Variants in GATAD1 observed in about 807,000 individuals in gnomAD.
The protein encoded by GATAD1 is GATA zinc finger domain containing 1.
A neutral mutation model predicts 26.5 loss-of-function variants in GATAD1; 12 were observed. The ratio of observed to expected loss-of-function variants is 0.45; its 90% CI spans 0.29 to 0.73. GATAD1 has a LOEUF of 0.73. GATAD1 is among the 30% of genes least tolerant of loss of function. The probability of loss-of-function intolerance (pLI) is 0.10; values close to 1 mark genes in which losing one functional copy is unlikely to be tolerated. For missense variants in GATAD1, 266 were observed against 342.1 expected (o/e 0.78, Z 1.75); for synonymous variants, 129 against 133.1 (o/e 0.97, Z 0.21).
downstream of GATAD1, among the ~76,000 whole-genome samples, chr7:92,460,346 A>G (rs1789873985): frequency 1.3e-5 from 2 of 152,158 alleles, no homozygotes; most frequent in African/African-American, 4.8e-5. Flanking sequence ...ACTTCATACC[A>G]GGTGTGTGAG....
At chr7:92,493,082 C>T in the GATAD1 span, 1 of 1,612,774 alleles carries the variant, frequency 6.2e-7, no homozygotes, top group Non-Finnish European at 8.5e-7. Context: ...CATCATCTGC[C>T]AGAGGTAGAG....
At chr7:92,494,201 A>G in the GATAD1 span, 1 of 923,898 alleles carries the variant, frequency 1.1e-6, no homozygotes, top group Non-Finnish European at 1.8e-6. Context: ...CTGGTCTTCT[A>G]AGGACAATTG....
the GATAD1 span, among the ~76,000 whole-genome samples, chr7:92,474,207 C>T: frequency 6.6e-6 from 1 of 151,876 alleles, no homozygotes; most frequent in African/African-American, 2.4e-5. Context: ...TATAAAAAAC[C>T]GAGGTTGCCA....
chr7:92,477,425 G>A, the GATAD1 span: 5 of 152,304 alleles, frequency 3.3e-5, no homozygotes, highest in Non-Finnish European at 5.9e-5. Context: ...TTACCGGGGG[G>A]TCCTTGCTCA....
rs1034364484 is a variant in GATAD1 at position 92,456,776 on chromosome 7, TA to T, written c.*219del. On this transcript the variant is annotated 3_prime_UTR_variant, in exon 5 of 5. Transcript: ENST00000287957. ...TGAAATTCTTAGCTGGAAAAGTGAC[TA>T]AAAAGTTTTTCTCCTGCTACCTAGT... 56 of 454,860 alleles carry T rather than the reference TA, an allele frequency of 1.2e-4. No individual in the cohort carries two copies. The highest frequency in any genetic ancestry group is 9.2e-4 in the African/African-American group (46 of 49,842). The allele number at this position is 454,860 out of a possible 1,614,324, so 28.2% of individuals were successfully genotyped here. A position where few individuals can be genotyped will look rare whatever the true frequency, so the allele number is the denominator to read the frequency against.
the GATAD1 span, chr7:92,477,799 G>A: frequency 5.5e-6 from 1 of 181,414 alleles, no homozygotes; most frequent in South Asian, 1.5e-4. Flanking sequence ...CTGCGGTGGT[G>A]GCAAACAGCA....
intron 4 of GATAD1, among the ~76,000 whole-genome samples, chr7:92,455,117 G>GC (rs1190582504): frequency 6.6e-6 from 1 of 151,044 alleles, no homozygotes; most frequent in East Asian, 1.9e-4. Context: ...TGGCGGGGGG[G>GC]GATGCAATTC....
the GATAD1 span, among the ~76,000 whole-genome samples, chr7:92,495,638 T>C: frequency 6.6e-6 from 1 of 152,176 alleles, no homozygotes; most frequent in African/African-American, 2.4e-5. Context: ...ATTTCTGGGA[T>C]ATCTTTAGCG....
At chr7:92,485,081 A>T in the GATAD1 span, among the ~76,000 whole-genome samples, 1 of 152,126 alleles carries the variant, frequency 6.6e-6, no homozygotes, top group Non-Finnish European at 1.5e-5. Flanking sequence ...TTGAGCCAGG[A>T]GAAGGAATTT....
the GATAD1 span, chr7:92,491,196 A>C: frequency 1.0e-6 from 1 of 1,001,842 alleles, no homozygotes; most frequent in Non-Finnish European, 1.6e-6. Flanking sequence ...GCTGGTTAGG[A>C]GAGAAATCAC....
chr7:92,459,746 G>A lies in GATAD1; in HGVS notation c.*3184G>A, dbSNP rs1789848680. 1.3e-5 allele frequency among the ~76,000 whole-genome samples: 2 copies of A among 152,152 alleles called. No homozygotes were observed. The highest frequency in any genetic ancestry group is 4.8e-5 in the African/African-American group (2 of 41,430). On this transcript the variant is annotated 3_prime_UTR_variant, in exon 5 of 5. Coordinates refer to ENST00000287957, the MANE Select transcript of GATAD1 (RefSeq NM_021167.5). ...CTCACTCCTATCCCTTTGGTCCTGG[G>A]ATGACAGGGATGCTGTGTTTTATTT...
chr7:92,468,131 A>G, the GATAD1 span, among the ~76,000 whole-genome samples: 318 of 152,370 alleles, frequency 2.1e-3, 1 homozygote, highest in African/African-American at 7.4e-3. Flanking sequence ...GAAGAGAACC[A>G]TGGAACCCAG....
the GATAD1 span, chr7:92,487,246 A>G: frequency 3.0e-6 from 1 of 330,560 alleles, no homozygotes; most frequent in East Asian, 4.7e-5. Flanking sequence ...GAAATAAAAT[A>G]TGGAATCTGT....
downstream of GATAD1, among the ~76,000 whole-genome samples, chr7:92,463,484 T>A (rs536833975): frequency 1.3e-5 from 2 of 151,534 alleles, no homozygotes; most frequent in Non-Finnish European, 2.9e-5. Flanking sequence ...ACCCTGTCTC[T>A]ACTAAAAAAT....
chr7:92,464,793 G>A (rs1195810727), downstream of GATAD1, among the ~76,000 whole-genome samples: 4 of 152,212 alleles, frequency 2.6e-5, no homozygotes, highest in Admixed American at 6.5e-5. Flanking sequence ...TCCTGCCAGC[G>A]TCCTCAGGCA....
At chr7:92,469,808 G>T in the GATAD1 span, 1 of 767,944 alleles carries the variant, frequency 1.3e-6, no homozygotes, top group Non-Finnish European at 2.4e-6. Flanking sequence ...CTGAAGTTCA[G>T]GGGGAGGCAT....
the GATAD1 span, chr7:92,470,041 A>G: frequency 2.6e-6 from 2 of 778,878 alleles, no homozygotes; most frequent in Non-Finnish European, 4.8e-6. Flanking sequence ...CCCATCAGAC[A>G]TACCAGTTTG....
intron 2 of GATAD1, chr7:92,449,105 C>T (rs1244388585): frequency 3.4e-6 from 4 of 1,183,876 alleles, no homozygotes; most frequent in Non-Finnish European, 4.3e-6. Flanking sequence ...TTATTTTTTC[C>T]CCTGGAAAAT....
chr7:92,450,798 C>T (rs369519708), intron 3 of GATAD1, 38 bp downstream of exon 3: 6 of 1,290,146 alleles, frequency 4.7e-6, no homozygotes, highest in African/African-American at 1.5e-5. Flanking sequence ...AGAGTTGGGC[C>T]TAGTGGGTAA....
Sources: allele counts gnomAD v4.1 joint callset (sites outside exome capture counted in the v4.1 genomes callset), GRCh38; gene constraint gnomAD v4.1.1; transcripts MANE v1.5; gene names NCBI Gene and HGNC (gene_info 2026-07-23, HGNC 2026-07-21).